The following RARB variants were observed in gnomAD, a reference collection of about 807,000 sequenced individuals.
RARB encodes retinoic acid receptor beta, also known as HBV-activated protein.
RARB carries 17 observed loss-of-function variants against 51.9 expected under a neutral mutation model. That is an observed-to-expected ratio of 0.33 (90% confidence interval 0.22 to 0.49). The LOEUF is 0.49. RARB is among the 20% of genes least tolerant of loss of function. The probability of loss-of-function intolerance (pLI) is 0.99; values close to 1 mark genes in which losing one functional copy is unlikely to be tolerated. For synonymous variants in RARB, 215 were observed against 195.4 expected, an observed-to-expected ratio of 1.10 and a Z score of -0.84; for missense variants, 369 against 550.8, an observed-to-expected ratio of 0.67 and a Z score of 3.30.
At chr3:24,921,433 A>G (rs975490413) in intron 2 of RARB, among the ~76,000 whole-genome samples, 1 of 152,126 alleles carries the variant, frequency 6.6e-6, no homozygotes, top group Non-Finnish European at 1.5e-5. Context: ...ACTCTGGAGC[A>G]CATTTTTTGT....
At chr3:24,961,510 C>G (rs1302909373) in intron 2 of RARB, among the ~76,000 whole-genome samples, 3 of 151,616 alleles carry the variant, frequency 2.0e-5, no homozygotes, top group Non-Finnish European at 4.4e-5. Context: ...GTTTTTAGAT[C>G]AAGCAATCCT....
intron 1 of RARB, chr3:25,441,253 G>C (rs1164425851): frequency 2.5e-6 from 1 of 398,030 alleles, no homozygotes; most frequent in African/African-American, 2.1e-5. Flanking sequence ...GCCTCACTTG[G>C]CTCCTGCAAA....
chr3:25,377,200 C>G (rs1345048243), intron 5 of RARB, among the ~76,000 whole-genome samples: 4 of 152,138 alleles, frequency 2.6e-5, no homozygotes, highest in African/African-American at 9.7e-5. Flanking sequence ...TGCTGTTAGG[C>G]TTATCAGCAG....
At chr3:25,583,862 A>G (rs996810728) in intron 5 of RARB, among the ~76,000 whole-genome samples, 1 of 152,106 alleles carries the variant, frequency 6.6e-6, no homozygotes, top group Non-Finnish European at 1.5e-5. Flanking sequence ...ACCACTGCAG[A>G]TGGGTTTTTT....
At chr3:25,403,198 G>T (rs1221269252) in intron 5 of RARB, among the ~76,000 whole-genome samples, 1 of 150,708 alleles carries the variant, frequency 6.6e-6, no homozygotes, top group Non-Finnish European at 1.5e-5. Flanking sequence ...CCTAGTATTT[G>T]ATAGCACAAC....
At chr3:25,412,465 C>T (rs1312884902) in intron 5 of RARB, among the ~76,000 whole-genome samples, 1 of 152,134 alleles carries the variant, frequency 6.6e-6, no homozygotes, top group Non-Finnish European at 1.5e-5. Flanking sequence ...CAATATCTGA[C>T]CTGCTCATGT....
At chr3:25,250,784 C>T (rs1702697577) in intron 5 of RARB, among the ~76,000 whole-genome samples, 1 of 152,152 alleles carries the variant, frequency 6.6e-6, no homozygotes, top group Non-Finnish European at 1.5e-5. Context: ...TTCCCTTCCT[C>T]AAGCAATGCT....
Position 25,408,734 on chromosome 3 carries a change from TA to T in RARB, c.179-52452del, listed in dbSNP as rs545613852. Among the ~76,000 whole-genome samples the T allele has an allele frequency of 3.6e-3, 550 of 152,060 alleles. 5 individuals carry two copies. The highest frequency in any genetic ancestry group is 0.014 in the Middle Eastern group (4 of 294). ...ACAGTGTATATGCCACCATGGCACT[TA>T]AAAAAATAATAACAACAGGGCCAAG... On this transcript the variant is annotated intron_variant, in intron 5 of 11. Coordinates refer to the RARB transcript ENST00000383772.
At chr3:25,100,682 A>G (rs1317636352) in intron 3 of RARB, among the ~76,000 whole-genome samples, 1 of 152,196 alleles carries the variant, frequency 6.6e-6, no homozygotes, top group Non-Finnish European at 1.5e-5. Flanking sequence ...ATCTAATTGT[A>G]ACACTAGGCA....
intron 4 of RARB, among the ~76,000 whole-genome samples, chr3:25,160,949 C>G (rs972493650): frequency 6.6e-6 from 1 of 152,100 alleles, no homozygotes; most frequent in Non-Finnish European, 1.5e-5. Context: ...TTGCCTCCCT[C>G]TTGTAAGAAT....
intron 5 of RARB, among the ~76,000 whole-genome samples, chr3:25,215,683 C>T (rs930210438): frequency 6.6e-6 from 1 of 152,096 alleles, no homozygotes; most frequent in African/African-American, 2.4e-5. Context: ...CCAGCCTTTC[C>T]TGGTAGCTTG....
At chr3:25,264,678 A>AT (rs1703084255) in intron 5 of RARB, among the ~76,000 whole-genome samples, 1 of 152,114 alleles carries the variant, frequency 6.6e-6, no homozygotes, top group Non-Finnish European at 1.5e-5. Context: ...AGAAATTGGC[A>AT]TTTTTCCTAA....
In RARB at chr3:25,403,947, C is replaced by G. The variant is rs558686219; in HGVS notation, c.179-57246C>G. ...TTTCCAGAAGCTTATAGTTATAGGC[C>G]AAAGCTTCCCTAATAACTTTTTACT... On this transcript the variant is annotated intron_variant, in intron 5 of 11. Transcript: ENST00000383772. 3.8e-3 allele frequency among the ~76,000 whole-genome samples: 538 copies of G among 142,514 alleles called. 8 individuals carry two copies. The highest frequency in any genetic ancestry group is 0.013 in the African/African-American group (511 of 38,066). The allele number at this position is 142,514 out of a possible 152,430, so 93.5% of individuals were successfully genotyped here.
chr3:24,900,811 T>C (rs1486083404), intron 2 of RARB, among the ~76,000 whole-genome samples: 1 of 152,206 alleles, frequency 6.6e-6, no homozygotes. Context: ...ACGAAAGTGA[T>C]GTTATAATAA....
intron 5 of RARB, among the ~76,000 whole-genome samples, chr3:25,393,768 C>T (rs1707038677): frequency 1.3e-5 from 2 of 152,044 alleles, no homozygotes; most frequent in South Asian, 4.1e-4. Context: ...GCTTCTGTTT[C>T]ATTTCTAATT....
At chr3:25,257,474 C>T (rs1410689821) in intron 5 of RARB, among the ~76,000 whole-genome samples, 2 of 152,030 alleles carry the variant, frequency 1.3e-5, no homozygotes, top group African/African-American at 2.4e-5. Flanking sequence ...TATGATTGAT[C>T]TCTGTGTCTA....
chr3:24,950,518 G>A (rs772664076), intron 2 of RARB, among the ~76,000 whole-genome samples: 2 of 152,078 alleles, frequency 1.3e-5, no homozygotes, highest in Non-Finnish European at 2.9e-5. Context: ...TCTGGTTCAG[G>A]AAATGCATTT....
chr3:25,175,876 G>T (rs564574375), intron 5 of RARB, among the ~76,000 whole-genome samples: 1 of 152,034 alleles, frequency 6.6e-6, no homozygotes, highest in Admixed American at 6.5e-5. Context: ...CCAAAGCGGC[G>T]TATTGACTAT....
At chr3:24,853,500 T>C (rs183146587) in intron 1 of RARB, among the ~76,000 whole-genome samples, 11 of 152,318 alleles carry the variant, frequency 7.2e-5, no homozygotes, top group Admixed American at 4.6e-4. Context: ...GAGAAGACTC[T>C]GGTTTTCAGA....
Sources: gnomAD v4.1 joint callset for allele counts (sites outside exome capture counted in the v4.1 genomes callset) on GRCh38, gnomAD v4.1.1 for gene constraint, MANE v1.5 for transcripts, NCBI Gene and HGNC (gene_info 2026-07-23, HGNC 2026-07-21) for gene names.